FBXO15: variants seen among roughly 807,000 people sequenced by gnomAD.
FBXO15 encodes F-box only protein 15.
Under a neutral mutation model 49.5 loss-of-function variants are expected in FBXO15, and 30 were observed. The observed-to-expected ratio is 0.61, with a 90% CI of 0.45 to 0.82. The LOEUF is 0.82. FBXO15 is among the 40% of genes least tolerant of loss of function. The probability of loss-of-function intolerance (pLI) is 0.00; values close to 1 mark genes in which losing one functional copy is unlikely to be tolerated. For missense variants in FBXO15, 591 were observed against 631.5 expected (o/e 0.94, Z 0.69); for synonymous variants, 250 against 232.7 (o/e 1.07, Z -0.68).
intron 2 of FBXO15, among the ~76,000 whole-genome samples, chr18:74,138,541 T>A (rs976958800): frequency 1.3e-5 from 2 of 151,926 alleles, no homozygotes; most frequent in African/African-American, 4.8e-5. Context: ...TGCTCCTGAG[T>A]CGCCTTTGCC....
intron 5 of FBXO15, among the ~76,000 whole-genome samples, chr18:74,127,782 A>G (rs553003196): frequency 9.5e-4 from 145 of 152,340 alleles, no homozygotes; most frequent in African/African-American, 3.3e-3. Flanking sequence ...AGTATCTATT[A>G]CTTCTGACCT....
chr18:74,109,708 T>C (rs946247165), intron 8 of FBXO15, among the ~76,000 whole-genome samples: 5 of 151,924 alleles, frequency 3.3e-5, no homozygotes, highest in Non-Finnish European at 5.9e-5. Context: ...AAACTATCAT[T>C]CTCAACAAAC....
chr18:74,079,640 T>G (rs1409936363), intron 9 of FBXO15, among the ~76,000 whole-genome samples: 1 of 152,230 alleles, frequency 6.6e-6, no homozygotes, highest in Non-Finnish European at 1.5e-5. Flanking sequence ...CTACTTAGAA[T>G]GTGATTTTTA....
At chr18:74,089,420 T>C (rs1474431404) in intron 8 of FBXO15, among the ~76,000 whole-genome samples, 1 of 152,208 alleles carries the variant, frequency 6.6e-6, no homozygotes, top group African/African-American at 2.4e-5. Flanking sequence ...GATGCCTTTA[T>C]TTCTTTGTCT....
chr18:74,101,559 A>G (rs1398280414), intron 8 of FBXO15, among the ~76,000 whole-genome samples: 1 of 152,208 alleles, frequency 6.6e-6, no homozygotes, highest in Admixed American at 6.5e-5. Context: ...CTATAAATTC[A>G]ATACAATTCC....
rs746282756 is a variant in FBXO15, at chr18:74,098,615, GA to G, written c.1139-16565del. The G allele has an allele frequency of 3.2e-4, 49 of 152,148 alleles. 1 individual carries two copies. The highest frequency in any genetic ancestry group is 3.1e-3 in the Admixed American group (48 of 15,278). The allele number at this position is 152,148 out of a possible 1,614,324, so 9.4% of individuals were successfully genotyped here. On this transcript the variant is annotated intron_variant, in intron 8 of 9. Coordinates refer to ENST00000419743, the MANE Select transcript of FBXO15 (RefSeq NM_001142958.2). ...GAACAAAGCCTCCAAGAAGTTTGAA[GA>G]TATGTTAAATGACCAAACCTAAGAA... is the stretch of plus-strand genomic sequence containing the variant.
chr18:74,108,828 T>C (rs569456353), intron 8 of FBXO15, among the ~76,000 whole-genome samples: 42 of 152,286 alleles, frequency 2.8e-4, no homozygotes, highest in African/African-American at 9.9e-4. Flanking sequence ...ACACATTACC[T>C]ATACAGGACC....
At chr18:74,131,682 CTG>C (rs1232870904) in intron 3 of FBXO15, among the ~76,000 whole-genome samples, 1 of 152,224 alleles carries the variant, frequency 6.6e-6, no homozygotes, top group Non-Finnish European at 1.5e-5. Context: ...ACAGGGAAAA[CTG>C]AGGCAGCGGT....
rs182770569 is a variant in FBXO15 at position 74,093,589 on chromosome 18, G to A, written c.1139-11538C>T. On this transcript the variant is annotated intron_variant, in intron 8 of 9. Coordinates refer to ENST00000419743, the MANE Select transcript of FBXO15 (RefSeq NM_001142958.2). ...AAGAAACCACTTTCCCTGCTCATCT[G>A]TAAGAAGCAACTCCTTATCCATTCA... Among the ~76,000 whole-genome samples, 6 of 152,300 alleles carry A rather than the reference G, an allele frequency of 3.9e-5. No individual in the cohort carries two copies. The East Asian group carries it at 1.2e-3, about 29-fold the overall frequency.
intron 3 of FBXO15, 119 bp downstream of exon 3, chr18:74,135,643 G>C (rs1241881516): frequency 2.7e-6 from 2 of 732,112 alleles, no homozygotes; most frequent in Admixed American, 3.0e-5. Context: ...ATTTCCACTT[G>C]TGTGTAAAAA....
chr18:74,095,468 T>G (rs1044657005), intron 8 of FBXO15, among the ~76,000 whole-genome samples: 4 of 152,104 alleles, frequency 2.6e-5, no homozygotes. Flanking sequence ...TACCAGGGAA[T>G]AGAAAGGCCT....
chr18:74,104,484 T>C (rs1913659945), intron 8 of FBXO15, among the ~76,000 whole-genome samples: 1 of 151,962 alleles, frequency 6.6e-6, no homozygotes, highest in Non-Finnish European at 1.5e-5. Flanking sequence ...AAAGGCAGAG[T>C]GGCAGAATGG....
At chr18:74,124,133 G>A (rs1357794333) in intron 7 of FBXO15, among the ~76,000 whole-genome samples, 1 of 152,106 alleles carries the variant, frequency 6.6e-6, no homozygotes, top group Admixed American at 6.5e-5. Flanking sequence ...AGAATCATCC[G>A]CAGGCCAGGT....
At chr18:74,095,235 G>A (rs1021658176) in intron 8 of FBXO15, among the ~76,000 whole-genome samples, 1 of 152,238 alleles carries the variant, frequency 6.6e-6, no homozygotes, top group African/African-American at 2.4e-5. Context: ...GTTCACTGGA[G>A]TGGCACTTTA....
At position 74,073,682 on chromosome 18, in the gene FBXO15, AG is replaced by A. The variant is rs1912133464; in HGVS notation, c.1311del (p.Trp439GlyfsTer9). The A allele has an allele frequency of 4.3e-6, 7 of 1,614,002 alleles. No individual in the cohort carries two copies. The East Asian group carries it at 1.1e-4, about 26-fold the overall frequency. On this transcript the variant is annotated frameshift_variant, in exon 10 of 10. Transcript: ENST00000419743. LOFTEE classifies it low-confidence loss of function (END_TRUNC). ...DVTLLDEHGK[P>X]FWCFSSPVCL... ...CACACCGGGGAACTGAAACACCAAA[AG>A]GGTTTCCCATGTTCATCCAAAAGAG...
chr18:74,083,091 G>C (rs562419714), intron 8 of FBXO15, among the ~76,000 whole-genome samples: 2 of 152,322 alleles, frequency 1.3e-5, no homozygotes, highest in African/African-American at 4.8e-5. Flanking sequence ...AAGTGAAAGA[G>C]GACGCAGAGG....
intron 2 of FBXO15, among the ~76,000 whole-genome samples, chr18:74,138,891 C>T (rs1474343802): frequency 2.0e-5 from 3 of 152,166 alleles, no homozygotes; most frequent in Admixed American, 1.3e-4. Flanking sequence ...CTCCCACTTG[C>T]CTGTGTCTCT....
chr18:74,126,040 T>A lies in FBXO15; in HGVS notation c.847A>T (p.Ile283Phe). The change falls in exon 6 of 10, where the codon ATT (isoleucine) becomes TTT (phenylalanine). Residue 283 changes from isoleucine (I) to phenylalanine (F), a missense_variant. Physicochemically the swap from Ile to Phe is conservative, Grantham distance 21. Transcript: ENST00000419743. ...ATCCGAATGAGTCTGTCACAGCCAA[T>A]CATGGTAGATATGGTCAAATGACTC... is the stretch of plus-strand genomic sequence containing the variant. Reference protein sequence around the residue: ...NLSHLTISTMIGCDRLIRIFC... With the variant: ...NLSHLTISTMFGCDRLIRIFC... 1 of 1,614,074 alleles carries A rather than the reference T, an allele frequency of 6.2e-7. No individual in the cohort carries two copies. The highest frequency in any genetic ancestry group is 8.5e-7 in the Non-Finnish European group (1 of 1,179,972).
At chr18:74,147,567 G>A in intron 1 of FBXO15, 103 bp downstream of exon 1, 2 of 1,305,418 alleles carry the variant, frequency 1.5e-6, no homozygotes, top group East Asian at 3.1e-5. Flanking sequence ...ACGGCCACGG[G>A]CCTTGCGCCA....
Sources: gnomAD v4.1 joint callset for allele counts (sites outside exome capture counted in the v4.1 genomes callset) on GRCh38, gnomAD v4.1.1 for gene constraint, MANE v1.5 for transcripts, NCBI Gene and HGNC (gene_info 2026-07-23, HGNC 2026-07-21) for gene names.